Variants in COL4A2 observed in about 807,000 individuals in gnomAD.
COL4A2 encodes the protein collagen alpha-2(IV) chain.
COL4A2 carries 99 observed loss-of-function variants against 200.2 expected under a neutral mutation model. The ratio of observed to expected loss-of-function variants is 0.49; its 90% CI spans 0.42 to 0.58. The LOEUF (loss-of-function observed/expected upper bound fraction) is 0.58. Among genes scored for constraint, COL4A2 ranks in the 20% least tolerant of loss-of-function variants. The pLI, the probability that COL4A2 is intolerant of heterozygous loss-of-function variation, is 0.00. For synonymous variants in COL4A2, 897 were observed against 900.6 expected, an observed-to-expected ratio of 1.00 and a Z score of 0.07; for missense variants, 1,950 against 2,314.1, an observed-to-expected ratio of 0.84 and a Z score of 3.23.
intron 3 of COL4A2, among the ~76,000 whole-genome samples, chr13:110,334,588 A>C (rs974428705): frequency 3.3e-5 from 5 of 152,242 alleles, no homozygotes; most frequent in African/African-American, 1.2e-4. Context: ...CACTCATTCA[A>C]GATGTTTATG....
At chr13:110,459,103 C>G (rs932754193) in intron 22 of COL4A2, 169 bp downstream of exon 22, 2 of 616,702 alleles carry the variant, frequency 3.2e-6, no homozygotes, top group African/African-American at 3.9e-5. Context: ...GGCGGACTTT[C>G]TACATGTCCA....
At chr13:110,372,719 T>C (rs150886729) in intron 4 of COL4A2, among the ~76,000 whole-genome samples, 14 of 152,376 alleles carry the variant, frequency 9.2e-5, no homozygotes, top group South Asian at 4.1e-4. Context: ...TCTTATTTTG[T>C]GGCCACTACA....
At chr13:110,363,993 A>C (rs944810786) in intron 4 of COL4A2, among the ~76,000 whole-genome samples, 1 of 152,108 alleles carries the variant, frequency 6.6e-6, no homozygotes, top group African/African-American at 2.4e-5. Flanking sequence ...GAGCCACTGC[A>C]CCCGGCCTCT....
chr13:110,438,427 A>C (rs1325286424), intron 14 of COL4A2, 191 bp from the exon 15 acceptor site: 1 of 761,252 alleles, frequency 1.3e-6, no homozygotes, highest in Admixed American at 1.9e-5. Context: ...TGGATGGGTG[A>C]CAGCCCGGGA....
intron 4 of COL4A2, among the ~76,000 whole-genome samples, chr13:110,414,678 G>T (rs953594879): frequency 2.6e-5 from 4 of 152,160 alleles, no homozygotes; most frequent in African/African-American, 4.8e-5. Flanking sequence ...AGTTACCAAT[G>T]GCAAAAAGCA....
rs370447219 is a variant in COL4A2 at position 110,493,245 on chromosome 13, C to T, written c.3597C>T (p.His1199=). The T allele has an allele frequency of 5.0e-6, 8 of 1,614,182 alleles. No homozygotes were observed. Among genetic ancestry groups the T allele is most frequent in the South Asian group, 4.4e-5 (4 of 91,090 alleles). ...GACTCCGTGGGATCCGCGGCTTACACGGCTTGCCAGGCACCAAGGGCTTTC... is the reference window on the plus strand; with the variant it reads ...GACTCCGTGGGATCCGCGGCTTACATGGCTTGCCAGGCACCAAGGGCTTTC... ...FPGLRGIRGL[H]GLPGTKGFPG... The change falls in exon 39 of 48, where the codon CAC becomes CAT. Residue 1199 remains histidine, a synonymous_variant. Coordinates refer to ENST00000360467, the MANE Select transcript of COL4A2 (RefSeq NM_001846.4).
At position 110,477,506 on chromosome 13, in the gene COL4A2, A is replaced by G. The variant is rs115885149; in HGVS notation, c.2426-497A>G. 8.8e-3 allele frequency among the ~76,000 whole-genome samples: 1,338 copies of G among 152,352 alleles called. 16 individuals are homozygous for G. The highest frequency in any genetic ancestry group is 0.03 in the African/African-American group (1,245 of 41,568). On this transcript the variant is annotated intron_variant, in intron 29 of 47. Transcript: ENST00000360467. ...GTTTCCTAAAGAAATTACCTACGACATGGACATGGATAAACATAGCAAAAA... is the reference window on the plus strand; with the variant it reads ...GTTTCCTAAAGAAATTACCTACGACGTGGACATGGATAAACATAGCAAAAA...
rs1883097530 is a variant in COL4A2, at chr13:110,485,725, C to G, written c.3096C>G (p.Ile1032Met). 2 of 1,613,686 alleles carry G rather than the reference C, an allele frequency of 1.2e-6. No individual in the cohort carries two copies. The highest frequency in any genetic ancestry group is 1.7e-5 in the Admixed American group (1 of 59,988). ...GGCTGCCTGGGAGGCCCGGCCACAT[C>G]AAAGGAGTCAAGGGAGACATCGGAG... The part of the protein sequence containing the change: ...IPGLPGRPGH[I>M]KGVKGDIGVP... The change falls in exon 34 of 48, where the codon ATC becomes ATG. Residue 1032 changes from isoleucine (I) to methionine (M), a missense_variant. This residue lies in a region of COL4A2 where 1,385 missense variants were observed against 1,720.5 expected (regional missense o/e 0.80). Transcript: ENST00000360467.
chr13:110,414,745 G>A (rs1189938225), intron 4 of COL4A2, among the ~76,000 whole-genome samples: 1 of 152,220 alleles, frequency 6.6e-6, no homozygotes, highest in African/African-American at 2.4e-5. Flanking sequence ...GGCTATCACT[G>A]TCTATAATCT....
chr13:110,482,715 CT>C, intron 32 of COL4A2, 56 bp downstream of exon 32: 1 of 1,559,140 alleles, frequency 6.4e-7, no homozygotes, highest in Non-Finnish European at 8.8e-7. Flanking sequence ...CCTCCTTACC[CT>C]TTCTTGGTGG....
rs1036600815 is a variant in COL4A2, at chr13:110,355,982, T to C, written c.100-1490T>C. ...CTGTCAGGGGAGAGGAGGCCTGCGC[T>C]GAGACTCGGCTGATCAGAAAGGGGA... On this transcript the variant is annotated intron_variant, in intron 3 of 47. Coordinates refer to ENST00000360467, the MANE Select transcript of COL4A2 (RefSeq NM_001846.4). 2.6e-5 allele frequency among the ~76,000 whole-genome samples: 4 copies of C among 152,110 alleles called. No individual in the cohort carries two copies. In the South Asian group the frequency reaches 6.2e-4, roughly 24 times the overall value.
chr13:110,394,937 A>C (rs369092438), intron 4 of COL4A2, among the ~76,000 whole-genome samples: 1 of 152,254 alleles, frequency 6.6e-6, no homozygotes, highest in Non-Finnish European at 1.5e-5. Flanking sequence ...ATCTGATGGA[A>C]TTAGCAGACA....
In COL4A2 at chr13:110,507,823, C is replaced by G. The variant is rs77147267; in HGVS notation, c.4595-112C>G. On this transcript the variant is annotated intron_variant, in intron 46 of 47. Coordinates refer to ENST00000360467, the MANE Select transcript of COL4A2 (RefSeq NM_001846.4). ...CCCTCCAGTAGGTGGCTAAACTCCACCAGGTGCCCTGGGGCGAGTCCGTGA... is the reference window on the plus strand; with the variant it reads ...CCCTCCAGTAGGTGGCTAAACTCCAGCAGGTGCCCTGGGGCGAGTCCGTGA... 2.4e-3 allele frequency: 2,727 copies of G among 1,148,482 alleles called. 42 individuals are homozygous for G. In the African/African-American group the frequency reaches 0.036, roughly 15 times the overall value. 71.1% of individuals were successfully genotyped at this position (1,148,482 alleles called of 1,614,324 possible). A position where few individuals can be genotyped will look rare whatever the true frequency, so the allele number is the denominator to read the frequency against.
chr13:110,318,496 C>G (rs1885200484), intron 3 of COL4A2, among the ~76,000 whole-genome samples: 1 of 152,122 alleles, frequency 6.6e-6, no homozygotes, highest in African/African-American at 2.4e-5. Context: ...TCAGCAAGCA[C>G]CTATAAGAGC....
intron 4 of COL4A2, among the ~76,000 whole-genome samples, chr13:110,396,410 C>A (rs139042435): frequency 6.6e-6 from 1 of 152,310 alleles, no homozygotes; most frequent in African/African-American, 2.4e-5. Context: ...AATGGGGGAG[C>A]GTGCACAGTC....
intron 15 of COL4A2, 76 bp from the exon 16 acceptor site, chr13:110,439,713 G>A: frequency 6.2e-7 from 1 of 1,605,046 alleles, no homozygotes; most frequent in Non-Finnish European, 8.5e-7. Flanking sequence ...ATCACAGCCA[G>A]GTGCCGTAGT....
chr13:110,406,205 G>A (rs1397758198), intron 4 of COL4A2, among the ~76,000 whole-genome samples: 1 of 152,184 alleles, frequency 6.6e-6, no homozygotes, highest in Non-Finnish European at 1.5e-5. Context: ...ATAACCAGCG[G>A]ACTGTCAGAA....
chr13:110,464,327 C>T (rs1041808823), intron 24 of COL4A2, among the ~76,000 whole-genome samples: 3 of 152,124 alleles, frequency 2.0e-5, no homozygotes, highest in Admixed American at 1.3e-4. Flanking sequence ...TTCCCATTCT[C>T]GGGGTGTAGG....
At chr13:110,339,439 T>C (rs1876353155) in intron 3 of COL4A2, among the ~76,000 whole-genome samples, 1 of 152,148 alleles carries the variant, frequency 6.6e-6, no homozygotes, top group South Asian at 2.1e-4. Context: ...AGCAGGGGCT[T>C]CCCTGACCTT....
Sources: allele counts gnomAD v4.1 joint callset (sites outside exome capture counted in the v4.1 genomes callset), GRCh38; gene constraint gnomAD v4.1.1; regional missense constraint gnomAD v4.1.1; transcripts MANE v1.5; gene names NCBI Gene and HGNC (gene_info 2026-07-23, HGNC 2026-07-21).